TSHZ2: variants seen among roughly 807,000 people sequenced by gnomAD.
TSHZ2 encodes teashirt zinc finger homeobox 2.
A neutral mutation model predicts 74.4 loss-of-function variants in TSHZ2; 21 were observed. The ratio of observed to expected loss-of-function variants is 0.28; its 90% CI spans 0.20 to 0.41. The LOEUF (loss-of-function observed/expected upper bound fraction) is 0.41. TSHZ2 is among the 10% of genes least tolerant of loss of function. The probability of loss-of-function intolerance (pLI) is 1.00; values close to 1 mark genes in which losing one functional copy is unlikely to be tolerated. For missense variants in TSHZ2, 1,244 were observed against 1,293.5 expected (o/e 0.96, Z 0.59); for synonymous variants, 540 against 515.3 (o/e 1.05, Z -0.65).
chr20:53,023,619 G>A (rs935071393), intron 1 of TSHZ2, among the ~76,000 whole-genome samples: 4 of 82,404 alleles, frequency 4.9e-5, no homozygotes, highest in Non-Finnish European at 1.2e-4. Context: ...CTCGTTTTTT[G>A]TTTTTTTTTT....
chr20:53,117,333 A>G (rs1274705687), intron 1 of TSHZ2, among the ~76,000 whole-genome samples: 1 of 152,234 alleles, frequency 6.6e-6, no homozygotes, highest in Non-Finnish European at 1.5e-5. Flanking sequence ...GAGTTAGCTA[A>G]ACTAATTTAA....
At chr20:53,263,054 G>T (rs552671767) in intron 2 of TSHZ2, among the ~76,000 whole-genome samples, 1 of 152,292 alleles carries the variant, frequency 6.6e-6, no homozygotes, top group Admixed American at 6.5e-5. Context: ...ATTTCTTTGT[G>T]TATTTGTTTG....
intron 1 of TSHZ2, among the ~76,000 whole-genome samples, chr20:52,975,207 T>C (rs1981283518): frequency 1.3e-5 from 2 of 152,144 alleles, no homozygotes; most frequent in African/African-American, 4.8e-5. Context: ...AAGAGAACCC[T>C]GGGCTACGGT....
intron 2 of TSHZ2, among the ~76,000 whole-genome samples, chr20:53,408,444 T>C (rs1193867475): frequency 6.6e-6 from 1 of 152,202 alleles, no homozygotes; most frequent in Non-Finnish European, 1.5e-5. Flanking sequence ...GCAAAATGAA[T>C]AATTAGCCAT....
chr20:53,162,705 T>C (rs1987971795), intron 1 of TSHZ2, among the ~76,000 whole-genome samples: 1 of 152,166 alleles, frequency 6.6e-6, no homozygotes, highest in African/African-American at 2.4e-5. Flanking sequence ...AAGGAGGGGC[T>C]ATGCTCCAGG....
At chr20:53,406,278 A>G (rs984270597) in intron 2 of TSHZ2, among the ~76,000 whole-genome samples, 1 of 152,242 alleles carries the variant, frequency 6.6e-6, no homozygotes, top group African/African-American at 2.4e-5. Flanking sequence ...GGCACCATCT[A>G]TGTAGACTCT....
chr20:53,153,722 C>G (rs956278048), intron 1 of TSHZ2, among the ~76,000 whole-genome samples: 10 of 152,006 alleles, frequency 6.6e-5, no homozygotes, highest in African/African-American at 2.4e-4. Flanking sequence ...TCCAGTTTGC[C>G]CAACTGGAGC....
At chr20:53,463,991 C>T (rs756264173) in intron 2 of TSHZ2, among the ~76,000 whole-genome samples, 12 of 152,210 alleles carry the variant, frequency 7.9e-5, no homozygotes, top group Non-Finnish European at 1.5e-4. Flanking sequence ...CCATCCAGTG[C>T]GTAAGCCTGA....
chr20:53,221,805 G>A (rs889717451), intron 1 of TSHZ2, among the ~76,000 whole-genome samples: 1 of 152,126 alleles, frequency 6.6e-6, no homozygotes, highest in Non-Finnish European at 1.5e-5. Flanking sequence ...AGTATAACCA[G>A]CAGTTTGCAT....
chr20:53,442,730 T>G (rs1277842473), intron 2 of TSHZ2, among the ~76,000 whole-genome samples: 1 of 152,196 alleles, frequency 6.6e-6, no homozygotes, highest in African/African-American at 2.4e-5. Flanking sequence ...TTGCCGGCAT[T>G]TAGGCCTCAG....
chr20:53,306,421 G>A (rs1978546791), intron 2 of TSHZ2, among the ~76,000 whole-genome samples: 1 of 152,284 alleles, frequency 6.6e-6, no homozygotes, highest in African/African-American at 2.4e-5. Context: ...AGAGGTGACA[G>A]TGCTGGAGGT....
chr20:53,229,882 G>A (rs1282746251), intron 1 of TSHZ2, among the ~76,000 whole-genome samples: 1 of 111,798 alleles, frequency 8.9e-6, no homozygotes, highest in African/African-American at 4.3e-5. Flanking sequence ...GAGGAAGAAA[G>A]GAAGGAAAAG....
At chr20:53,295,355 T>A (rs373537224) in intron 2 of TSHZ2, among the ~76,000 whole-genome samples, 1 of 152,194 alleles carries the variant, frequency 6.6e-6, no homozygotes, top group Non-Finnish European at 1.5e-5. Context: ...TATAAAAACA[T>A]GGATAATAAT....
intron 2 of TSHZ2, among the ~76,000 whole-genome samples, chr20:53,463,512 A>C (rs1985465782): frequency 6.6e-6 from 1 of 151,756 alleles, no homozygotes. Context: ...GAAGAGAGGA[A>C]TGTCGTAGAA....
intron 1 of TSHZ2, among the ~76,000 whole-genome samples, chr20:53,055,679 T>C (rs972943297): frequency 1.3e-5 from 2 of 152,212 alleles, no homozygotes; most frequent in African/African-American, 4.8e-5. Context: ...TTCTTATCAC[T>C]GAGGTCTCAA....
At chr20:53,095,448 G>GC (rs1373893025) in intron 1 of TSHZ2, among the ~76,000 whole-genome samples, 1 of 152,200 alleles carries the variant, frequency 6.6e-6, no homozygotes. Flanking sequence ...GATGGAGCTA[G>GC]CCAGCCCCCT....
chr20:53,067,619 T>C (rs948295617), intron 1 of TSHZ2, among the ~76,000 whole-genome samples: 1 of 152,224 alleles, frequency 6.6e-6, no homozygotes, highest in Admixed American at 6.5e-5. Flanking sequence ...CAGAGCCTTC[T>C]AAAGTACTTT....
intron 1 of TSHZ2, among the ~76,000 whole-genome samples, chr20:53,200,880 A>G (rs1457463316): frequency 6.6e-6 from 1 of 152,216 alleles, no homozygotes. Context: ...TAAAATAATT[A>G]TGGTGGGAAC....
intron 2 of TSHZ2, among the ~76,000 whole-genome samples, chr20:53,383,555 A>G (rs369603955): frequency 6.1e-4 from 92 of 152,012 alleles, no homozygotes; most frequent in African/African-American, 2.1e-3. Flanking sequence ...AGGCCATGAA[A>G]TCAAGACCAG....
Sources: gnomAD v4.1 joint callset for allele counts (sites outside exome capture counted in the v4.1 genomes callset) on GRCh38, gnomAD v4.1.1 for gene constraint, MANE v1.5 for transcripts, NCBI Gene and HGNC (gene_info 2026-07-23, HGNC 2026-07-21) for gene names.